SH3PXD2A: variants seen among roughly 807,000 people sequenced by gnomAD.
The protein encoded by SH3PXD2A is SH3 and PX domains 2A.
SH3PXD2A carries 32 observed loss-of-function variants against 115.2 expected under a neutral mutation model. The observed-to-expected ratio is 0.28, with a 90% CI of 0.21 to 0.37. The LOEUF (loss-of-function observed/expected upper bound fraction) is 0.37. Ranked by LOEUF, SH3PXD2A falls within the 10% of genes least tolerant of loss-of-function variation. The probability of loss-of-function intolerance (pLI) is 1.00; values close to 1 mark genes in which losing one functional copy is unlikely to be tolerated. For synonymous variants in SH3PXD2A, 610 were observed against 629.1 expected, an observed-to-expected ratio of 0.97 and a Z score of 0.45; for missense variants, 1,328 against 1,498.7, an observed-to-expected ratio of 0.89 and a Z score of 1.88.
chr10:103,812,991 A>G (rs1168136477), intron 1 of SH3PXD2A, among the ~76,000 whole-genome samples: 1 of 152,196 alleles, frequency 6.6e-6, no homozygotes, highest in African/African-American at 2.4e-5. Context: ...GTATATAAAG[A>G]TAAGGAATAT....
At chr10:103,662,057 G>T in intron 7 of SH3PXD2A, 2 of 678,318 alleles carry the variant, frequency 2.9e-6, no homozygotes, top group Non-Finnish European at 3.6e-6. Context: ...TGCAGAGACT[G>T]ACTCAGTTTC....
At chr10:103,619,357 C>T (rs894568017) in intron 10 of SH3PXD2A, among the ~76,000 whole-genome samples, 61 of 152,222 alleles carry the variant, frequency 4.0e-4, no homozygotes, top group Admixed American at 4.6e-4. Flanking sequence ...GCGCCAGGCT[C>T]CGGGAATCCA....
At chr10:103,640,480 C>G (rs1162132291) in intron 8 of SH3PXD2A, among the ~76,000 whole-genome samples, 4 of 152,056 alleles carry the variant, frequency 2.6e-5, no homozygotes, top group Admixed American at 2.6e-4. Context: ...AGACCCCAGG[C>G]AGAGGTAGGG....
intron 4 of SH3PXD2A, among the ~76,000 whole-genome samples, chr10:103,734,429 CAGAACGAG>C (rs1158178230): frequency 6.6e-6 from 1 of 152,126 alleles, no homozygotes; most frequent in Non-Finnish European, 1.5e-5. Context: ...GTCTGGGCAA[CAGAACGAG>C]ACCCTGTCTC....
At position 103,601,977 on chromosome 10, in the gene SH3PXD2A, C is replaced by T. The variant is rs1224789654; in HGVS notation, c.3241G>A (p.Ala1081Thr). The T allele has an allele frequency of 6.2e-7, 1 of 1,614,022 alleles. No individual in the cohort carries two copies. The highest frequency in any genetic ancestry group is 8.5e-7 in the Non-Finnish European group (1 of 1,179,972). The change falls in exon 15 of 15, where the codon GCA (alanine) becomes ACA (threonine). Residue 1081 changes from alanine (A) to threonine (T), a missense_variant. Ala to Thr is a moderately conservative substitution (Grantham distance 58). Around this residue, in one of 5 missense-constraint regions of SH3PXD2A, gnomAD observed 45 missense variants for 73.6 expected, o/e 0.61. Coordinates refer to ENST00000369774, the MANE Select transcript of SH3PXD2A (RefSeq NM_001394015.1). ...GTCTCCTCATCCCCCTCGTAGTCTG[C>T]GATAGAGACGTACACATCTTTGAGG... is the stretch of plus-strand genomic sequence containing the variant. The part of the protein sequence containing the change: ...NNLKDVYVSI[A>T]DYEGDEETAG...
At chr10:103,729,045 C>A (rs1444533570) in intron 4 of SH3PXD2A, among the ~76,000 whole-genome samples, 5 of 152,192 alleles carry the variant, frequency 3.3e-5, no homozygotes, top group Admixed American at 1.3e-4. Flanking sequence ...CAGGCACGTG[C>A]CACCACAGCA....
intron 2 of SH3PXD2A, among the ~76,000 whole-genome samples, chr10:103,801,020 T>A (rs2039141542): frequency 6.6e-6 from 1 of 152,176 alleles, no homozygotes; most frequent in Non-Finnish European, 1.5e-5. Flanking sequence ...CACAGTTTCC[T>A]ACCCTGCAGG....
chr10:103,661,392 G>A (rs973847805), intron 7 of SH3PXD2A, among the ~76,000 whole-genome samples: 1 of 152,374 alleles, frequency 6.6e-6, no homozygotes, highest in African/African-American at 2.4e-5. Context: ...GAGAGGCAGA[G>A]CGGAGGCGGA....
chr10:103,810,830 CACACACA>C (rs1391849284), intron 1 of SH3PXD2A, among the ~76,000 whole-genome samples: 1 of 100,886 alleles, frequency 9.9e-6, no homozygotes, highest in East Asian at 3.7e-4. Context: ...ATACACACAA[CACACACA>C]ACACACACAC....
intron 2 of SH3PXD2A, among the ~76,000 whole-genome samples, chr10:103,770,854 T>C (rs945560000): frequency 1.3e-5 from 2 of 152,254 alleles, no homozygotes; most frequent in Admixed American, 1.3e-4. Context: ...TATATAGCAC[T>C]GTCGTGAATC....
intron 2 of SH3PXD2A, among the ~76,000 whole-genome samples, chr10:103,781,359 T>G (rs1034361073): frequency 6.6e-6 from 1 of 152,182 alleles, no homozygotes; most frequent in Non-Finnish European, 1.5e-5. Context: ...ATATTCTCTC[T>G]TCCTTTGCCT....
intron 1 of SH3PXD2A, among the ~76,000 whole-genome samples, chr10:103,843,010 G>A (rs1329441900): frequency 6.6e-6 from 1 of 152,228 alleles, no homozygotes; most frequent in African/African-American, 2.4e-5. Context: ...GGTCAGGGAA[G>A]CTTCCAGGAG....
At chr10:103,659,717 C>G (rs545089803) in intron 8 of SH3PXD2A, among the ~76,000 whole-genome samples, 2 of 152,220 alleles carry the variant, frequency 1.3e-5, no homozygotes, top group Non-Finnish European at 2.9e-5. Flanking sequence ...CAGACACAGT[C>G]TGACCTGAGA....
In SH3PXD2A at chr10:103,627,039, G is replaced by C. The variant is rs776535114; in HGVS notation, c.718+50C>G. On this transcript the variant is annotated intron_variant, in intron 9 of 14. Coordinates refer to ENST00000369774, the MANE Select transcript of SH3PXD2A (RefSeq NM_001394015.1). The surrounding 1 kb of genome is among the most constrained non-coding windows in gnomAD (Gnocchi z 4.4). The stretch of plus-strand genomic sequence containing the variant: ...GTTCTAGGGAAAGAGTGAGAGAGCT[G>C]CCTCCAGAGGCCGCGTTGCTCCCTG... The C allele has an allele frequency of 5.1e-6, 5 of 984,952 alleles. No homozygotes were observed. In the African/African-American group the frequency reaches 8.0e-5, roughly 16 times the overall value. The allele number at this position is 984,952 out of a possible 1,614,324, so 61.0% of individuals were successfully genotyped here.
chr10:103,622,397 C>T (rs150098100), intron 10 of SH3PXD2A, 73 bp downstream of exon 10: 24 of 1,013,806 alleles, frequency 2.4e-5, no homozygotes, highest in Admixed American at 1.0e-4. Context: ...GAGCAGAGCC[C>T]GGAAAGAAAG....
chr10:103,656,556 G>A (rs72815756), intron 8 of SH3PXD2A, among the ~76,000 whole-genome samples: 277 of 152,320 alleles, frequency 1.8e-3, no homozygotes, highest in South Asian at 4.8e-3. Context: ...GTAGCTGGGC[G>A]CGGTGGCTCA....
intron 10 of SH3PXD2A, among the ~76,000 whole-genome samples, chr10:103,618,392 C>CGG: frequency 6.6e-6 from 1 of 152,234 alleles, no homozygotes; most frequent in Non-Finnish European, 1.5e-5. Context: ...GAGCTGAGTA[C>CGG]TCCCTGGCTC....
At chr10:103,778,942 T>G (rs968955840) in intron 2 of SH3PXD2A, among the ~76,000 whole-genome samples, 1 of 152,210 alleles carries the variant, frequency 6.6e-6, no homozygotes, top group Non-Finnish European at 1.5e-5. Context: ...GCAGAGCACC[T>G]GGGGAGCTAG....
At chr10:103,774,385 G>A (rs1190594498) in intron 2 of SH3PXD2A, among the ~76,000 whole-genome samples, 1 of 152,064 alleles carries the variant, frequency 6.6e-6, no homozygotes, top group East Asian at 1.9e-4. Context: ...GCACTTTTAA[G>A]TTTCAAAATT....
Sources: allele counts gnomAD v4.1 joint callset (sites outside exome capture counted in the v4.1 genomes callset), GRCh38; gene constraint gnomAD v4.1.1; regional missense constraint gnomAD v4.1.1; non-coding constraint Gnocchi (gnomAD v3.1); transcripts MANE v1.5; gene names NCBI Gene and HGNC (gene_info 2026-07-23, HGNC 2026-07-21).